ATP8A2: variants seen among roughly 807,000 people sequenced by gnomAD.
ATP8A2 encodes the protein ATPase phospholipid transporting 8A2.
A neutral mutation model predicts 165.6 loss-of-function variants in ATP8A2; 100 were observed. The ratio of observed to expected loss-of-function variants is 0.60; its 90% CI spans 0.51 to 0.71. The LOEUF is 0.71. ATP8A2 is among the 30% of genes least tolerant of loss of function. ATP8A2 has a pLI of 0.00. For synonymous variants in ATP8A2, 543 were observed against 548.8 expected (o/e 0.99, Z 0.15); for missense variants, 1,227 against 1,479.5 (o/e 0.83, Z 2.80).
chr13:25,498,671 CA>C (rs150657304), intron 2 of ATP8A2, among the ~76,000 whole-genome samples: 8,999 of 152,254 alleles, frequency 0.059, 338 homozygotes, highest in South Asian at 0.13. Flanking sequence ...CAGATGTGTT[CA>C]AGTCAAAATT....
At chr13:25,379,730 C>A (rs915885778) in intron 1 of ATP8A2, among the ~76,000 whole-genome samples, 1 of 152,186 alleles carries the variant, frequency 6.6e-6, no homozygotes, top group African/African-American at 2.4e-5. Context: ...GCGGGCCCTG[C>A]TAAGCGTGTA....
rs528558702 is a variant in ATP8A2 at position 25,643,042 on chromosome 13, A to G, written c.2211+53343A>G. Among the ~76,000 whole-genome samples the G allele has an allele frequency of 9.2e-5, 14 of 152,296 alleles. No individual in the cohort carries two copies. The South Asian group carries it at 2.5e-3, about 27-fold the overall frequency. On this transcript the variant is annotated intron_variant, in intron 24 of 36. Coordinates refer to ENST00000381655, the MANE Select transcript of ATP8A2 (RefSeq NM_016529.6). ...AACACTTGGACACAGGAAGGGGAACATCATACATCGGATCCTGTTGTGGGA... is the reference window on the plus strand; with the variant it reads ...AACACTTGGACACAGGAAGGGGAACGTCATACATCGGATCCTGTTGTGGGA...
chr13:25,609,264 C>T (rs2040594201), intron 24 of ATP8A2, among the ~76,000 whole-genome samples: 2 of 151,696 alleles, frequency 1.3e-5, no homozygotes, highest in African/African-American at 4.8e-5. Context: ...AGAGAAGTCA[C>T]AGGTAGAGCA....
intron 25 of ATP8A2, among the ~76,000 whole-genome samples, chr13:25,729,535 T>A (rs899883264): frequency 6.6e-6 from 1 of 152,196 alleles, no homozygotes; most frequent in African/African-American, 2.4e-5. Flanking sequence ...AGATCTGGAT[T>A]TGGGTCTGAG....
intron 2 of ATP8A2, among the ~76,000 whole-genome samples, chr13:25,470,636 C>T (rs374940331): frequency 2.0e-5 from 3 of 152,164 alleles, no homozygotes; most frequent in East Asian, 1.9e-4. Context: ...TGAAAACCTA[C>T]GTCCACACAA....
At chr13:25,787,788 C>G (rs2045068632) in intron 27 of ATP8A2, among the ~76,000 whole-genome samples, 1 of 152,188 alleles carries the variant, frequency 6.6e-6, no homozygotes, top group Non-Finnish European at 1.5e-5. Flanking sequence ...GCTTTGGGGT[C>G]TGGGAACCAG....
At chr13:26,000,449 T>C (rs1216559139) in intron 35 of ATP8A2, among the ~76,000 whole-genome samples, 3 of 152,184 alleles carry the variant, frequency 2.0e-5, no homozygotes, top group Non-Finnish European at 4.4e-5. Flanking sequence ...AGTTTATTTT[T>C]CTCCATCATA....
intron 2 of ATP8A2, among the ~76,000 whole-genome samples, chr13:25,515,254 C>T (rs955596260): frequency 2.6e-5 from 4 of 152,210 alleles, no homozygotes; most frequent in Admixed American, 2.0e-4. Context: ...ATTCCCACTG[C>T]TGGTGTTGGA....
At chr13:25,512,850 A>C (rs1168092555) in intron 2 of ATP8A2, among the ~76,000 whole-genome samples, 1 of 104,360 alleles carries the variant, frequency 9.6e-6, no homozygotes, top group African/African-American at 3.8e-5. Flanking sequence ...ACTTTCCAGT[A>C]GGGGCGGCCA....
At chr13:25,577,004 T>G in intron 19 of ATP8A2, 65 bp from the exon 20 acceptor site, 2 of 1,320,788 alleles carry the variant, frequency 1.5e-6, no homozygotes, top group South Asian at 2.4e-5. Context: ...TTGATTGGTG[T>G]TCAGCTGTGG....
At chr13:25,578,090 G>A (rs565832882) in intron 20 of ATP8A2, among the ~76,000 whole-genome samples, 5 of 152,248 alleles carry the variant, frequency 3.3e-5, no homozygotes, top group African/African-American at 7.2e-5. Flanking sequence ...GTACCACATC[G>A]AGTACAACAG....
At chr13:25,467,666 C>G (rs2035706527) in intron 1 of ATP8A2, among the ~76,000 whole-genome samples, 2 of 152,094 alleles carry the variant, frequency 1.3e-5, no homozygotes, top group African/African-American at 4.8e-5. Flanking sequence ...ATTCTCCTGC[C>G]TCAGCCTCCC....
intron 33 of ATP8A2, among the ~76,000 whole-genome samples, chr13:25,927,773 T>C (rs1954653637): frequency 6.6e-6 from 1 of 152,256 alleles, no homozygotes; most frequent in Admixed American, 6.5e-5. Context: ...TATAACAAGG[T>C]GTTTCTTTCT....
At chr13:25,452,450 G>T (rs184989130) in intron 1 of ATP8A2, among the ~76,000 whole-genome samples, 1 of 151,266 alleles carries the variant, frequency 6.6e-6, no homozygotes. Flanking sequence ...TTTTATTCCC[G>T]CTTGGCTGTG....
intron 1 of ATP8A2, among the ~76,000 whole-genome samples, chr13:25,391,152 G>A (rs981586479): frequency 6.6e-6 from 1 of 152,200 alleles, no homozygotes; most frequent in African/African-American, 2.4e-5. Context: ...ATGAGCCACT[G>A]AGGTGTATCC....
intron 33 of ATP8A2, among the ~76,000 whole-genome samples, chr13:25,898,199 A>G (rs141730201): frequency 6.6e-6 from 1 of 151,702 alleles, no homozygotes; most frequent in East Asian, 1.9e-4. Context: ...TACAGATGGG[A>G]TTTTGGTGTG....
intron 1 of ATP8A2, among the ~76,000 whole-genome samples, chr13:25,467,032 G>T (rs1018413007): frequency 3.9e-5 from 6 of 152,198 alleles, no homozygotes; most frequent in Admixed American, 2.6e-4. Context: ...AAGTCCGGGA[G>T]CCCCAGCTGG....
At chr13:25,812,970 A>G (rs904600457) in intron 27 of ATP8A2, among the ~76,000 whole-genome samples, 7 of 152,282 alleles carry the variant, frequency 4.6e-5, no homozygotes, top group Middle Eastern at 3.4e-3. Flanking sequence ...TCAGCAAACT[A>G]ACGCAGAAAC....
intron 35 of ATP8A2, among the ~76,000 whole-genome samples, chr13:25,979,535 A>G (rs1049745057): frequency 6.6e-6 from 1 of 152,242 alleles, no homozygotes; most frequent in African/African-American, 2.4e-5. Context: ...GATTGGCTCA[A>G]GGCCCCTTAG....
Sources: allele counts gnomAD v4.1 joint callset (sites outside exome capture counted in the v4.1 genomes callset), GRCh38; gene constraint gnomAD v4.1.1; transcripts MANE v1.5; gene names NCBI Gene and HGNC (gene_info 2026-07-23, HGNC 2026-07-21).